The following RBMS3 variants were observed in gnomAD, a reference collection of about 807,000 sequenced individuals.
The protein encoded by RBMS3 is RNA binding motif single stranded interacting protein 3, also known as RNA-binding motif, single-stranded-interacting protein 3.
In RBMS3, 27 loss-of-function variants were observed where a neutral mutation model predicts 66.8. The observed-to-expected ratio is 0.40, with a 90% confidence interval of 0.30 to 0.56. The LOEUF (loss-of-function observed/expected upper bound fraction) is 0.56, where lower values mean the gene tolerates loss of function less well. Ranked by LOEUF, RBMS3 falls within the 20% of genes least tolerant of loss-of-function variation. RBMS3 has a pLI of 0.40. For missense variants in RBMS3, 513 were observed against 549.5 expected (o/e 0.93, Z 0.66); for synonymous variants, 188 against 183.0 (o/e 1.03, Z -0.22).
Position 30,003,982 on chromosome 3 carries a change from G to GTTTT in RBMS3, c.*127_*130dup. ...AATGCATTTTTTTGTTGTTGTTGTT[G>GTTTT]TTTTTTTTTTAGTGTTATACCTTAC... On this transcript the variant is annotated 3_prime_UTR_variant, in exon 15 of 15. Transcript: ENST00000383767. The GTTTT allele has an allele frequency of 1.4e-6, 1 of 730,042 alleles. No homozygotes were observed. The highest frequency in any genetic ancestry group is 1.9e-6 in the Non-Finnish European group (1 of 517,538). The allele number at this position is 730,042 out of a possible 1,614,324, so 45.2% of individuals were successfully genotyped here.
rs2125413119 is a variant in RBMS3 at position 30,008,750 on chromosome 3, C to T, written c.*4888C>T. On this transcript the variant is annotated 3_prime_UTR_variant, in exon 15 of 15. Transcript: ENST00000383767. ...GGCATTGGAAGACAGTTGGGTCTGA[C>T]TCAAGTTTAACATTTCTTACCAAAC... The T allele has an allele frequency of 6.6e-6, 1 of 152,214 alleles. No homozygotes were observed. The highest frequency in any genetic ancestry group is 1.9e-4 in the East Asian group (1 of 5,180). The allele number at this position is 152,214 out of a possible 1,614,324, so 9.4% of individuals were successfully genotyped here. A position where few individuals can be genotyped will look rare whatever the true frequency, so the allele number is the denominator to read the frequency against.
At chr3:29,293,403 C>G (rs994479858) in intron 1 of RBMS3, among the ~76,000 whole-genome samples, 1 of 151,742 alleles carries the variant, frequency 6.6e-6, no homozygotes, top group African/African-American at 2.4e-5. Context: ...TTTGAGGCCA[C>G]TAATGTGCCT....
rs758034097 is a variant in RBMS3 at position 29,859,076 on chromosome 3, C to T, written c.638-9782C>T. 1.3e-5 allele frequency among the ~76,000 whole-genome samples: 2 copies of T among 152,186 alleles called. 1 individual carries two copies. Among genetic ancestry groups the T allele is most frequent in the Middle Eastern group, 6.8e-3 (2 of 294 alleles). The stretch of plus-strand genomic sequence containing the variant: ...GTGCATGAAAATTACATTTTTTCAA[C>T]GTATGCTATTTTTTATTTATTTCCT... On this transcript the variant is annotated intron_variant, in intron 6 of 14. Transcript: ENST00000383767.
At chr3:29,599,202 T>C (rs9854524) in intron 4 of RBMS3, among the ~76,000 whole-genome samples, 43 of 150,918 alleles carry the variant, frequency 2.8e-4, no homozygotes, top group African/African-American at 9.2e-4. Flanking sequence ...TAATAGGGTA[T>C]CTGTAGCCAA....
intron 6 of RBMS3, among the ~76,000 whole-genome samples, chr3:29,867,775 T>C (rs1016226725): frequency 1.3e-5 from 2 of 151,540 alleles, no homozygotes; most frequent in Non-Finnish European, 2.9e-5. Flanking sequence ...CAGGAATTGG[T>C]CAAGAATTAG....
intron 6 of RBMS3, among the ~76,000 whole-genome samples, chr3:29,829,133 C>T (rs1156270845): frequency 1.3e-5 from 2 of 152,036 alleles, no homozygotes; most frequent in African/African-American, 2.4e-5. Flanking sequence ...CAACCTCTGC[C>T]TCCCAGGTTC....
At chr3:29,356,260 CTCTT>C (rs2037216601) in intron 1 of RBMS3, among the ~76,000 whole-genome samples, 1 of 152,162 alleles carries the variant, frequency 6.6e-6, no homozygotes, top group Non-Finnish European at 1.5e-5. Flanking sequence ...GTTGCATTGT[CTCTT>C]TCTTTTGAAT....
intron 8 of RBMS3, among the ~76,000 whole-genome samples, chr3:29,887,156 G>A (rs1031031156): frequency 6.6e-6 from 1 of 151,810 alleles, no homozygotes; most frequent in Non-Finnish European, 1.5e-5. Flanking sequence ...CTTGAGCTGA[G>A]CTCTGACAAC....
chr3:29,488,315 G>A (rs962714674), intron 2 of RBMS3, 126 bp from the exon 3 acceptor site: 23 of 663,184 alleles, frequency 3.5e-5, no homozygotes, highest in Middle Eastern at 4.3e-4. Flanking sequence ...TGTGAAATGG[G>A]AATCCAGAGC....
intron 3 of RBMS3, among the ~76,000 whole-genome samples, chr3:29,538,643 G>A (rs1407554752): frequency 9.9e-5 from 15 of 152,150 alleles, no homozygotes; most frequent in Non-Finnish European, 1.5e-5. Flanking sequence ...CAAATTATAA[G>A]CTTTGGATTT....
intron 1 of RBMS3, among the ~76,000 whole-genome samples, chr3:29,317,003 A>C (rs1013687346): frequency 6.6e-6 from 1 of 151,778 alleles, no homozygotes; most frequent in African/African-American, 2.4e-5. Flanking sequence ...TATGTAGATT[A>C]TTCCCTTGCT....
chr3:29,580,401 G>A (rs1001987628), intron 3 of RBMS3, among the ~76,000 whole-genome samples: 1 of 152,038 alleles, frequency 6.6e-6, no homozygotes, highest in Non-Finnish European at 1.5e-5. Context: ...TTACCATCAT[G>A]GCACTTACTG....
chr3:29,422,352 A>G (rs1011295407), intron 1 of RBMS3, among the ~76,000 whole-genome samples: 1 of 150,368 alleles, frequency 6.7e-6, no homozygotes, highest in African/African-American at 2.5e-5. Context: ...GAACTGTCTT[A>G]TTACTAGGGA....
intron 3 of RBMS3, among the ~76,000 whole-genome samples, chr3:29,525,969 G>A (rs2045078193): frequency 6.6e-6 from 1 of 152,132 alleles, no homozygotes; most frequent in Non-Finnish European, 1.5e-5. Flanking sequence ...TGAAATTTAA[G>A]CATGTAGTGT....
At chr3:29,491,058 C>A (rs1334696652) in intron 3 of RBMS3, among the ~76,000 whole-genome samples, 1 of 152,096 alleles carries the variant, frequency 6.6e-6, no homozygotes, top group East Asian at 1.9e-4. Flanking sequence ...ACTCTGAAGA[C>A]CACGAAAATG....
chr3:29,498,641 C>T (rs1471649995), intron 3 of RBMS3, among the ~76,000 whole-genome samples: 1 of 152,186 alleles, frequency 6.6e-6, no homozygotes, highest in Non-Finnish European at 1.5e-5. Context: ...CATAACATCT[C>T]TGAACATCTG....
At chr3:29,712,214 G>T (rs1187108427) in intron 4 of RBMS3, among the ~76,000 whole-genome samples, 1 of 152,144 alleles carries the variant, frequency 6.6e-6, no homozygotes, top group Non-Finnish European at 1.5e-5. Context: ...TGGGTTAAGG[G>T]ATACTCAGAT....
Position 29,670,674 on chromosome 3 carries a change from G to A in RBMS3, c.400-69046G>A, listed in dbSNP as rs546001427. ...ACTGCTAACACAGCAGTCCAAGATC[G>A]AACTGCAAGGCAGCAGCAAGGCTGG... On this transcript the variant is annotated intron_variant, in intron 4 of 14. Transcript: ENST00000383767. Among the ~76,000 whole-genome samples the A allele has an allele frequency of 1.1e-4, 17 of 152,310 alleles. No homozygotes were observed. In the East Asian group the frequency reaches 2.7e-3, roughly 24 times the overall value.
chr3:29,997,830 C>A (rs920701441), intron 14 of RBMS3, among the ~76,000 whole-genome samples: 5 of 152,094 alleles, frequency 3.3e-5, no homozygotes, highest in African/African-American at 9.7e-5. Context: ...TGGGCAAAAA[C>A]TGGAAGCATT....
Sources: allele counts gnomAD v4.1 joint callset (sites outside exome capture counted in the v4.1 genomes callset), GRCh38; gene constraint gnomAD v4.1.1; transcripts MANE v1.5; gene names NCBI Gene and HGNC (gene_info 2026-07-23, HGNC 2026-07-21).